The following PGD variants were observed in gnomAD, a reference collection of about 807,000 sequenced individuals.
PGD encodes 6-phosphogluconate dehydrogenase, decarboxylating.
Under a neutral mutation model 60.4 loss-of-function variants are expected in PGD, and 21 were observed. The observed-to-expected ratio is 0.35, with a 90% confidence interval of 0.25 to 0.50. PGD has a LOEUF of 0.50. PGD is among the 20% of genes least tolerant of loss of function. The pLI, the probability that PGD is intolerant of heterozygous loss-of-function variation, is 0.98. For missense variants in PGD, 477 were observed against 613.1 expected (o/e 0.78, Z 2.34); for synonymous variants, 230 against 235.9 (o/e 0.97, Z 0.23).
rs1349914418 is a variant in PGD, at chr1:10,408,144, A to G, written c.519+4A>G. 3 of 1,554,048 alleles carry G rather than the reference A, an allele frequency of 1.9e-6. No individual in the cohort carries two copies. The highest frequency in any genetic ancestry group is 2.2e-5 in the East Asian group (1 of 44,586). Reference sequence around the variant, plus strand: ...TGGAGAACCCTGCTGTGACTGGGCAAGTTCTGGGCTACTCTTTAAAGCCAA... The same window carrying G: ...TGGAGAACCCTGCTGTGACTGGGCAGGTTCTGGGCTACTCTTTAAAGCCAA... On this transcript the variant is annotated splice_donor_region_variant and intron_variant, in intron 6 of 12. Transcript: ENST00000270776.
chr1:10,412,849 G>C, intron 7 of PGD: 1 of 512,964 alleles, frequency 1.9e-6, no homozygotes. Flanking sequence ...AACACTTCTG[G>C]TGGCCAGAAA....
In PGD at chr1:10,403,084, A is replaced by C; in HGVS notation, c.278A>C (p.Asp93Ala). 1 of 1,609,252 alleles carries C rather than the reference A, an allele frequency of 6.2e-7. No homozygotes were observed. Among genetic ancestry groups the C allele is most frequent in the South Asian group, 1.1e-5 (1 of 91,014 alleles). Residue 93 changes from aspartate (D) to alanine (A), a missense_variant, in exon 4 of 13, where the codon GAT becomes GCT. Transcript: ENST00000270776. ...DFIEKLVPLL[D>A]TGDIIIDGGN... ...GTCTGGTTACAGGTACCATTGTTGG[A>C]TACTGGTGACATCATCATTGACGGA...
chr1:10,400,484 A>G lies in PGD; in HGVS notation c.176A>G (p.Lys59Arg). 1 of 1,613,970 alleles carries G rather than the reference A, an allele frequency of 6.2e-7. No homozygotes were observed. The highest frequency in any genetic ancestry group is 8.5e-7 in the Non-Finnish European group (1 of 1,179,964). Residue 59 changes from lysine (K) to arginine (R), a missense_variant, in exon 3 of 13, where the codon AAA becomes AGA. By Grantham distance (26) the Lys-to-Arg change is conservative. Transcript: ENST00000270776. ...AAAGTGGTGGGTGCCCAGTCCCTGA[A>G]AGAGATGGTCTCCAAGCTGAAGAAG... is the stretch of plus-strand genomic sequence containing the variant. ...GTKVVGAQSL[K>R]EMVSKLKKPR...
intron 3 of PGD, among the ~76,000 whole-genome samples, chr1:10,402,391 G>T (rs1329362949): frequency 1.3e-5 from 2 of 151,786 alleles, no homozygotes; most frequent in Non-Finnish European, 2.9e-5. Context: ...TTTAAATAGT[G>T]TGCAGCTCTG....
At chr1:10,418,242 A>G (rs1302307309) in intron 10 of PGD, among the ~76,000 whole-genome samples, 1 of 152,230 alleles carries the variant, frequency 6.6e-6, no homozygotes, top group Non-Finnish European at 1.5e-5. Flanking sequence ...TGATTCTAAT[A>G]TTAGTTCTCT....
intron 4 of PGD, 37 bp from the exon 5 acceptor site, chr1:10,404,124 C>A: frequency 7.2e-7 from 1 of 1,390,724 alleles, no homozygotes; most frequent in South Asian, 1.2e-5. Context: ...CATAATGAAA[C>A]ATGGAAGCAT....
intron 5 of PGD, among the ~76,000 whole-genome samples, chr1:10,406,428 C>T (rs1639405613): frequency 6.6e-6 from 1 of 152,132 alleles, no homozygotes; most frequent in Admixed American, 6.6e-5. Context: ...CTCGAAGCAC[C>T]TGCACAGTGA....
At chr1:10,412,900 G>T in intron 7 of PGD, 162 bp from the exon 8 acceptor site, 4 of 601,784 alleles carry the variant, frequency 6.6e-6, no homozygotes, top group Non-Finnish European at 1.2e-5. Context: ...ACTGACTCTG[G>T]GTTAGCATAA....
intron 5 of PGD, among the ~76,000 whole-genome samples, chr1:10,406,463 C>A (rs538913983): frequency 6.6e-6 from 1 of 152,290 alleles, no homozygotes; most frequent in African/African-American, 2.4e-5. Flanking sequence ...AACCAGCAGA[C>A]AATGCACGTA....
At chr1:10,405,302 G>C (rs1043368709) in intron 5 of PGD, among the ~76,000 whole-genome samples, 1 of 151,668 alleles carries the variant, frequency 6.6e-6, no homozygotes, top group African/African-American at 2.4e-5. Flanking sequence ...GAACCTAGGA[G>C]GCAGAGGTTA....
At chr1:10,406,115 A>C (rs1423350957) in intron 5 of PGD, among the ~76,000 whole-genome samples, 1 of 152,174 alleles carries the variant, frequency 6.6e-6, no homozygotes, top group African/African-American at 2.4e-5. Flanking sequence ...AGCCTCCCAA[A>C]GTGCTGGGAT....
chr1:10,417,551 A>G lies in PGD; in HGVS notation c.1109+42A>G, dbSNP rs771474688. ...CCAGGGTCCGACGGGAAGGACTCAC[A>G]CGGCTGTGCAGAAGTGCGATCTTAG... On this transcript the variant is annotated intron_variant, in intron 10 of 12. Coordinates refer to ENST00000270776, the MANE Select transcript of PGD (RefSeq NM_002631.4). 8.3e-6 allele frequency: 13 copies of G among 1,573,926 alleles called. No individual in the cohort carries two copies. In the South Asian group the frequency reaches 1.5e-4, roughly 19 times the overall value.
At chr1:10,416,280 T>C (rs1295294649) in intron 8 of PGD, among the ~76,000 whole-genome samples, 4 of 152,234 alleles carry the variant, frequency 2.6e-5, no homozygotes, top group Non-Finnish European at 5.9e-5. Flanking sequence ...TTCTATCTCT[T>C]CATTTTCCCT....
At chr1:10,405,425 C>CACACACACACACACATAT (rs548786254) in intron 5 of PGD, among the ~76,000 whole-genome samples, 3 of 149,456 alleles carry the variant, frequency 2.0e-5, no homozygotes, top group East Asian at 2.0e-4. Context: ...CACACACACA[C>CACACACACACACACATAT]ATATATATAA....
chr1:10,402,993 G>T, intron 3 of PGD, 78 bp from the exon 4 acceptor site: 2 of 966,722 alleles, frequency 2.1e-6, no homozygotes, highest in Admixed American at 1.7e-5. Flanking sequence ...TGTTTATTTG[G>T]AATAAATTCT....
intron 8 of PGD, among the ~76,000 whole-genome samples, chr1:10,414,169 G>A (rs1355766493): frequency 6.6e-6 from 1 of 152,116 alleles, no homozygotes; most frequent in Non-Finnish European, 1.5e-5. Context: ...TTGAGTCCTC[G>A]TTGTTTTGCT....
chr1:10,409,575 G>A (rs1557762513), intron 6 of PGD, among the ~76,000 whole-genome samples: 3 of 150,868 alleles, frequency 2.0e-5, no homozygotes, highest in Non-Finnish European at 4.4e-5. Context: ...TCTGGCCTGG[G>A]TAACAGAGAG....
chr1:10,411,637 C>A, intron 7 of PGD, 85 bp downstream of exon 7: 1 of 1,531,506 alleles, frequency 6.5e-7, no homozygotes, highest in Non-Finnish European at 8.9e-7. Flanking sequence ...TCATTCCTAT[C>A]CCCTTGGCCA....
intron 6 of PGD, among the ~76,000 whole-genome samples, chr1:10,408,752 G>T (rs1221618874): frequency 6.6e-6 from 1 of 152,148 alleles, no homozygotes; most frequent in East Asian, 1.9e-4. Flanking sequence ...GGGACTGCAG[G>T]TGCATGCCAC....
Sources: gnomAD v4.1 joint callset for allele counts (sites outside exome capture counted in the v4.1 genomes callset) on GRCh38, gnomAD v4.1.1 for gene constraint, MANE v1.5 for transcripts, NCBI Gene and HGNC (gene_info 2026-07-23, HGNC 2026-07-21) for gene names.